The following GSG1L variants were observed in gnomAD, a reference collection of about 807,000 sequenced individuals.
GSG1L encodes germ cell-specific gene 1-like protein.
A neutral mutation model predicts 42.1 loss-of-function variants in GSG1L; 24 were observed. The observed-to-expected ratio is 0.57, with a 90% CI of 0.41 to 0.80. The LOEUF (loss-of-function observed/expected upper bound fraction) is 0.80, where lower values mean the gene tolerates loss of function less well. GSG1L is among the 30% of genes least tolerant of loss of function. The pLI, the probability that GSG1L is intolerant of heterozygous loss-of-function variation, is 0.00. For synonymous variants in GSG1L, 215 were observed against 203.5 expected (o/e 1.06, Z -0.48); for missense variants, 445 against 472.2 (o/e 0.94, Z 0.53).
intron 5 of GSG1L, among the ~76,000 whole-genome samples, chr16:27,809,897 C>G (rs964410399): frequency 1.3e-5 from 2 of 152,218 alleles, no homozygotes; most frequent in African/African-American, 4.8e-5. Flanking sequence ...CCCATCACCT[C>G]TTATTCCTAG....
intron 2 of GSG1L, among the ~76,000 whole-genome samples, chr16:27,950,373 A>T (rs180993035): frequency 5.9e-5 from 9 of 152,288 alleles, no homozygotes; most frequent in Admixed American, 4.6e-4. Context: ...GATAATCTTG[A>T]ATAATTGGAA....
chr16:27,939,873 A>G (rs2084767071), intron 2 of GSG1L, among the ~76,000 whole-genome samples: 1 of 151,904 alleles, frequency 6.6e-6, no homozygotes, highest in African/African-American at 2.4e-5. Flanking sequence ...TAGAGACAAG[A>G]CCTGGCTATG....
At chr16:27,841,137 C>T (rs1486268514) in intron 4 of GSG1L, among the ~76,000 whole-genome samples, 3 of 152,206 alleles carry the variant, frequency 2.0e-5, no homozygotes, top group Admixed American at 6.5e-5. Context: ...CCCCATGAGG[C>T]GGAAATTCGG....
chr16:27,883,018 C>G (rs1284057230), intron 3 of GSG1L, among the ~76,000 whole-genome samples: 1 of 150,550 alleles, frequency 6.6e-6, no homozygotes, highest in Non-Finnish European at 1.5e-5. Flanking sequence ...ACTCAGGAGG[C>G]TGAGATGGGA....
intron 3 of GSG1L, among the ~76,000 whole-genome samples, chr16:27,870,681 C>T (rs919165381): frequency 6.6e-6 from 1 of 151,592 alleles, no homozygotes; most frequent in Non-Finnish European, 1.5e-5. Flanking sequence ...GAATGCACCA[C>T]TGTCCTCCTT....
At chr16:28,014,213 T>C (rs141379713) in intron 1 of GSG1L, among the ~76,000 whole-genome samples, 5 of 152,348 alleles carry the variant, frequency 3.3e-5, no homozygotes, top group African/African-American at 1.2e-4. Context: ...TGGAGGAAGA[T>C]GACATTTGCA....
chr16:28,046,093 G>T (rs1052878384), intron 1 of GSG1L, among the ~76,000 whole-genome samples: 2 of 152,136 alleles, frequency 1.3e-5, no homozygotes, highest in Admixed American at 6.5e-5. Context: ...AATCATGTAG[G>T]ATTTCAGGAA....
At chr16:27,821,126 G>A (rs556957725) in intron 5 of GSG1L, among the ~76,000 whole-genome samples, 10 of 152,096 alleles carry the variant, frequency 6.6e-5, no homozygotes, top group Non-Finnish European at 2.9e-5. Flanking sequence ...AGCCACTTCC[G>A]GGAGACTCGA....
At chr16:27,991,551 T>C (rs1294668143) in intron 1 of GSG1L, among the ~76,000 whole-genome samples, 6 of 151,914 alleles carry the variant, frequency 3.9e-5, no homozygotes, top group Non-Finnish European at 8.8e-5. Flanking sequence ...ATTACAGGCA[T>C]GCACCACCAC....
At chr16:27,991,284 G>A (rs889770535) in intron 1 of GSG1L, among the ~76,000 whole-genome samples, 6 of 151,804 alleles carry the variant, frequency 4.0e-5, no homozygotes, top group South Asian at 2.1e-4. Flanking sequence ...AATTTTCTTC[G>A]TGATGTTTTT....
In GSG1L at chr16:28,011,756, G is replaced by A. The variant is rs145489679; in HGVS notation, c.350-48553C>T. On this transcript the variant is annotated intron_variant, in intron 1 of 6. Coordinates refer to ENST00000447459, the MANE Select transcript of GSG1L (RefSeq NM_001109763.2). ...CTGTCTAGAGGGATTCTGGGCCCCT[G>A]AAGTAGAGCTGAGATGCCTGATTCG... Among the ~76,000 whole-genome samples, 171 of 152,326 alleles carry A rather than the reference G, an allele frequency of 1.1e-3. 1 individual carries two copies. The highest frequency in any genetic ancestry group is 3.7e-3 in the African/African-American group (152 of 41,560).
intron 2 of GSG1L, among the ~76,000 whole-genome samples, chr16:27,902,311 C>T (rs1229683477): frequency 6.6e-6 from 1 of 152,132 alleles, no homozygotes; most frequent in Non-Finnish European, 1.5e-5. Context: ...AAGGGAGCCG[C>T]TGTCATGAAT....
chr16:27,892,164 A>T (rs971472706), intron 2 of GSG1L, among the ~76,000 whole-genome samples: 1 of 152,146 alleles, frequency 6.6e-6, no homozygotes, highest in Non-Finnish European at 1.5e-5. Context: ...ATGTACATGT[A>T]AAAAATGAGG....
chr16:27,907,681 C>A (rs889009149), intron 2 of GSG1L, among the ~76,000 whole-genome samples: 2 of 152,246 alleles, frequency 1.3e-5, no homozygotes, highest in Non-Finnish European at 2.9e-5. Flanking sequence ...AACCTTTCTG[C>A]AGAGGCCAAG....
chr16:27,934,273 G>C (rs945130263), intron 2 of GSG1L, among the ~76,000 whole-genome samples: 1 of 152,200 alleles, frequency 6.6e-6, no homozygotes, highest in Non-Finnish European at 1.5e-5. Flanking sequence ...GCCAGGCGTG[G>C]TGGCTCACGC....
chr16:27,884,350 A>G lies in GSG1L; in HGVS notation c.550+136T>C. On this transcript the variant is annotated intron_variant, in intron 3 of 6. Transcript: ENST00000447459. The surrounding 1 kb of genome is among the most constrained non-coding windows in gnomAD (Gnocchi z 4.4). ...TCAATATGCATTGGTCATTTTTTAC[A>G]AACGATAAAACTGAGGCTCACAGAA... is the stretch of plus-strand genomic sequence containing the variant. 1 of 786,594 alleles carries G rather than the reference A, an allele frequency of 1.3e-6. No individual in the cohort carries two copies. Among genetic ancestry groups the G allele is most frequent in the Non-Finnish European group, 2.0e-6 (1 of 511,006 alleles). The allele number at this position is 786,594 out of a possible 1,614,324, so 48.7% of individuals were successfully genotyped here.
At chr16:27,924,592 G>T (rs2084569848) in intron 2 of GSG1L, among the ~76,000 whole-genome samples, 2 of 152,120 alleles carry the variant, frequency 1.3e-5, no homozygotes, top group Admixed American at 6.6e-5. Context: ...ATGGAGACCT[G>T]AATTGACTTA....
chr16:27,813,765 G>A (rs2083060402), intron 5 of GSG1L, among the ~76,000 whole-genome samples: 1 of 152,366 alleles, frequency 6.6e-6, no homozygotes, highest in Non-Finnish European at 1.5e-5. Context: ...CAATGGCGGG[G>A]CTCCCTGGCA....
intron 3 of GSG1L, among the ~76,000 whole-genome samples, chr16:27,865,562 TATATATATATACACAC>T (rs1455673170): frequency 0.1 from 2,699 of 25,878 alleles, 169 homozygotes; most frequent in African/African-American, 0.15. Context: ...TATATATATA[TATATATATATACACAC>T]ACACATACAT....
Sources: gnomAD v4.1 joint callset for allele counts (sites outside exome capture counted in the v4.1 genomes callset) on GRCh38, gnomAD v4.1.1 for gene constraint, Gnocchi (gnomAD v3.1) non-coding constraint, MANE v1.5 for transcripts, NCBI Gene and HGNC (gene_info 2026-07-23, HGNC 2026-07-21) for gene names.